Variants in SEMA5A observed in about 807,000 individuals in gnomAD.
SEMA5A encodes the protein semaphorin 5A.
A neutral mutation model predicts 135.5 loss-of-function variants in SEMA5A; 55 were observed. That is an observed-to-expected ratio of 0.41 (90% CI 0.33 to 0.51). The LOEUF (loss-of-function observed/expected upper bound fraction) is 0.51. Among genes scored for constraint, SEMA5A ranks in the 20% least tolerant of loss-of-function variants. The pLI, the probability that SEMA5A is intolerant of heterozygous loss-of-function variation, is 0.37. For synonymous variants in SEMA5A, 580 were observed against 546.5 expected (o/e 1.06, Z -0.85); for missense variants, 1,290 against 1,419.9 (o/e 0.91, Z 1.47).
Position 9,407,339 on chromosome 5 carries a change from G to A in SEMA5A, c.-77-27316C>T, listed in dbSNP as rs1054728060. On this transcript the variant is annotated intron_variant, in intron 2 of 22. Coordinates refer to ENST00000382496, the MANE Select transcript of SEMA5A (RefSeq NM_003966.3). ...AATACGATCTTACAGAAAGTGCTAC[G>A]CATAGTAATCAAAACTGTATCCTGA... 3.3e-5 allele frequency among the ~76,000 whole-genome samples: 5 copies of A among 152,086 alleles called. No homozygotes were observed. In the South Asian group the frequency reaches 6.2e-4, roughly 19 times the overall value.
At chr5:9,489,364 A>G (rs572482302) in intron 1 of SEMA5A, among the ~76,000 whole-genome samples, 1 of 152,276 alleles carries the variant, frequency 6.6e-6, no homozygotes, top group South Asian at 2.1e-4. Context: ...GCAAAAGGGA[A>G]CAAAATGTCA....
At chr5:9,368,241 G>T (rs752624180) in intron 3 of SEMA5A, among the ~76,000 whole-genome samples, 1 of 152,156 alleles carries the variant, frequency 6.6e-6, no homozygotes, top group African/African-American at 2.4e-5. Context: ...ACATTGTAAA[G>T]TTCTCACATA....
chr5:9,078,031 G>A (rs989122164), intron 16 of SEMA5A, among the ~76,000 whole-genome samples: 2 of 152,182 alleles, frequency 1.3e-5, no homozygotes, highest in African/African-American at 4.8e-5. Flanking sequence ...GCTGTGATTT[G>A]TGGGCATTTT....
At chr5:9,218,777 A>T (rs1283204555) in intron 8 of SEMA5A, among the ~76,000 whole-genome samples, 1 of 152,232 alleles carries the variant, frequency 6.6e-6, no homozygotes, top group Non-Finnish European at 1.5e-5. Context: ...ATGGTGATGG[A>T]TGTAGCTTGA....
At chr5:9,165,928 G>T (rs1186717755) in intron 11 of SEMA5A, among the ~76,000 whole-genome samples, 2 of 152,012 alleles carry the variant, frequency 1.3e-5, no homozygotes, top group Non-Finnish European at 2.9e-5. Flanking sequence ...TTGGCACTGG[G>T]AGCTCAATAT....
intron 4 of SEMA5A, among the ~76,000 whole-genome samples, chr5:9,334,065 A>C (rs1753275519): frequency 6.6e-6 from 1 of 152,142 alleles, no homozygotes; most frequent in African/African-American, 2.4e-5. Flanking sequence ...CAAATGGCTG[A>C]AAGAGAGGCT....
intron 13 of SEMA5A, among the ~76,000 whole-genome samples, chr5:9,124,063 G>T (rs1438450205): frequency 6.6e-6 from 1 of 152,136 alleles, no homozygotes; most frequent in Non-Finnish European, 1.5e-5. Flanking sequence ...AGGGCACATG[G>T]GCATTCCCCA....
intron 4 of SEMA5A, among the ~76,000 whole-genome samples, chr5:9,320,389 C>A (rs548082753): frequency 1.3e-5 from 2 of 152,256 alleles, no homozygotes; most frequent in South Asian, 4.1e-4. Flanking sequence ...TTGATTTAGT[C>A]AGTGCCATGA....
At chr5:9,345,576 A>G (rs1753827830) in intron 3 of SEMA5A, among the ~76,000 whole-genome samples, 1 of 151,486 alleles carries the variant, frequency 6.6e-6, no homozygotes, top group South Asian at 2.1e-4. Flanking sequence ...TTATCTGAGC[A>G]CATGAAAATT....
At chr5:9,314,163 T>C (rs1446052393) in intron 5 of SEMA5A, among the ~76,000 whole-genome samples, 1 of 152,208 alleles carries the variant, frequency 6.6e-6, no homozygotes, top group Non-Finnish European at 1.5e-5. Flanking sequence ...ACCTGAGATA[T>C]ACAAATCAAC....
intron 16 of SEMA5A, among the ~76,000 whole-genome samples, chr5:9,083,928 C>T (rs1270101093): frequency 1.3e-5 from 2 of 152,144 alleles, no homozygotes; most frequent in South Asian, 2.1e-4. Context: ...CATTGTCTTC[C>T]TTGATCATGG....
intron 10 of SEMA5A, among the ~76,000 whole-genome samples, chr5:9,192,222 C>T (rs1428436881): frequency 6.6e-6 from 1 of 152,286 alleles, no homozygotes; most frequent in Non-Finnish European, 1.5e-5. Context: ...TGAGTGGCAG[C>T]TGTCCTGCCA....
At chr5:9,169,695 G>C (rs937220425) in intron 11 of SEMA5A, among the ~76,000 whole-genome samples, 1 of 152,072 alleles carries the variant, frequency 6.6e-6, no homozygotes, top group Non-Finnish European at 1.5e-5. Flanking sequence ...CTTTGGTGTG[G>C]CCTCTAGTCA....
intron 5 of SEMA5A, among the ~76,000 whole-genome samples, chr5:9,283,790 G>A (rs562869649): frequency 6.6e-6 from 1 of 152,136 alleles, no homozygotes. Context: ...AGTAAGGTTT[G>A]TCCACTGTCC....
At chr5:9,215,573 G>A (rs964953010) in intron 8 of SEMA5A, among the ~76,000 whole-genome samples, 1 of 152,142 alleles carries the variant, frequency 6.6e-6, no homozygotes, top group Admixed American at 6.5e-5. Flanking sequence ...AGTGCCTGGG[G>A]CTACTAGAGC....
At chr5:9,432,945 A>G (rs1028699029) in intron 2 of SEMA5A, among the ~76,000 whole-genome samples, 2 of 152,240 alleles carry the variant, frequency 1.3e-5, no homozygotes, top group South Asian at 4.1e-4. Flanking sequence ...ATATAGTCAT[A>G]GGTTATATAA....
intron 11 of SEMA5A, among the ~76,000 whole-genome samples, chr5:9,164,732 G>C (rs1743511818): frequency 6.6e-6 from 1 of 152,144 alleles, no homozygotes. Flanking sequence ...AATTCAGAGA[G>C]AACTAAATGA....
At chr5:9,057,290 C>G (rs1222333806) in intron 18 of SEMA5A, among the ~76,000 whole-genome samples, 1 of 152,172 alleles carries the variant, frequency 6.6e-6, no homozygotes. Context: ...AGTATTCTTA[C>G]CACAGCGAAA....
intron 16 of SEMA5A, among the ~76,000 whole-genome samples, chr5:9,071,383 C>A (rs749124082): frequency 9.9e-5 from 15 of 152,118 alleles, no homozygotes; most frequent in Non-Finnish European, 2.1e-4. Flanking sequence ...TTCCTTAAAG[C>A]TTAAGTGCCT....
Sources: allele counts gnomAD v4.1 joint callset (sites outside exome capture counted in the v4.1 genomes callset), GRCh38; gene constraint gnomAD v4.1.1; transcripts MANE v1.5; gene names NCBI Gene and HGNC (gene_info 2026-07-23, HGNC 2026-07-21).